RGS5: variants seen among roughly 807,000 people sequenced by gnomAD.
The protein encoded by RGS5 is regulator of G protein signaling 5.
RGS5 carries 20 observed loss-of-function variants against 18.9 expected under a neutral mutation model. The ratio of observed to expected loss-of-function variants is 1.06; its 90% CI spans 0.74 to 1.54. RGS5 has a LOEUF of 1.54. Among genes scored for constraint, RGS5 ranks in the 40% most tolerant of loss-of-function variants. The pLI is 0.00. For synonymous variants in RGS5, 57 were observed against 76.2 expected (o/e 0.75, Z 1.31); for missense variants, 201 against 211.8 (o/e 0.95, Z 0.32).
intron 2 of RGS5, among the ~76,000 whole-genome samples, chr1:163,241,074 G>A (rs1121884): frequency 0.026 from 3,926 of 152,246 alleles, 70 homozygotes; most frequent in Non-Finnish European, 0.039. Context: ...CTTCAGGTAA[G>A]AGACCCCTGA....
At position 163,202,825 on chromosome 1, in the gene RGS5, C is replaced by T. The variant is rs754269659; in HGVS notation, c.11G>A (p.Gly4Glu). 1 of 1,613,530 alleles carries T rather than the reference C, an allele frequency of 6.2e-7. No individual in the cohort carries two copies. Among genetic ancestry groups the T allele is most frequent in the Non-Finnish European group, 8.5e-7 (1 of 1,179,632 alleles). ...GCATGAGTGGGGCAAAGCTGCAAGT[C>T]CTTTGCACATTTTGGCAGGTGGCTT... MCK[G>E]LAALPHSCLE... The change falls in exon 1 of 5, where the codon GGA becomes GAA. Residue 4 changes from glycine (G) to glutamate (E), a missense_variant. Physicochemically the swap from Gly to Glu is moderately conservative, Grantham distance 98. Coordinates refer to ENST00000313961, the MANE Select transcript of RGS5 (RefSeq NM_003617.4).
chr1:163,164,156 C>A (rs1571224967), intron 2 of RGS5, among the ~76,000 whole-genome samples: 1 of 152,224 alleles, frequency 6.6e-6, no homozygotes, highest in Non-Finnish European at 1.5e-5. Context: ...TTTTGATTAC[C>A]AGCCTAGGAG....
chr1:163,154,961 A>ATATATG (rs1283149032), intron 3 of RGS5, among the ~76,000 whole-genome samples: 31 of 151,624 alleles, frequency 2.0e-4, no homozygotes, highest in South Asian at 4.2e-4. Flanking sequence ...ATGTATATGT[A>ATATATG]TATATGTATA....
At chr1:163,284,114 T>A (rs1346946152) in intron 2 of RGS5, among the ~76,000 whole-genome samples, 1 of 152,224 alleles carries the variant, frequency 6.6e-6, no homozygotes, top group Non-Finnish European at 1.5e-5. Flanking sequence ...GTATTTTGGA[T>A]CTTTTTCTTT....
intron 3 of RGS5, among the ~76,000 whole-genome samples, chr1:163,154,741 A>G (rs1033770481): frequency 5.3e-5 from 8 of 151,706 alleles, no homozygotes; most frequent in Admixed American, 3.9e-4. Context: ...CACGAGAGTT[A>G]GCATAAGTGC....
At chr1:163,264,849 T>C (rs1648537165) in intron 2 of RGS5, among the ~76,000 whole-genome samples, 1 of 152,210 alleles carries the variant, frequency 6.6e-6, no homozygotes, top group East Asian at 1.9e-4. Context: ...TGACTTCTTT[T>C]TCTAGCCAAT....
chr1:163,298,501 G>A (rs904959420), intron 2 of RGS5, among the ~76,000 whole-genome samples: 5 of 152,080 alleles, frequency 3.3e-5, no homozygotes, highest in South Asian at 4.1e-4. Context: ...GTGGTTTATC[G>A]GGGGTGGTGT....
chr1:163,290,221 G>T (rs1042004431), intron 2 of RGS5, among the ~76,000 whole-genome samples: 2 of 152,046 alleles, frequency 1.3e-5, no homozygotes, highest in Admixed American at 6.6e-5. Context: ...GACACACCTG[G>T]GAGCACTTCT....
intron 2 of RGS5, among the ~76,000 whole-genome samples, chr1:163,298,059 T>C (rs1649465533): frequency 6.6e-6 from 1 of 152,116 alleles, no homozygotes; most frequent in African/African-American, 2.4e-5. Context: ...GTAGGACTTT[T>C]CATTCTTTAA....
intron 1 of RGS5, among the ~76,000 whole-genome samples, chr1:163,196,929 G>A (rs142392102): frequency 7.6e-4 from 115 of 152,240 alleles, no homozygotes; most frequent in African/African-American, 2.6e-3. Context: ...TCTATTTGCT[G>A]TAACTTCATT....
intron 1 of RGS5, among the ~76,000 whole-genome samples, chr1:163,198,409 A>G (rs559418046): frequency 6.6e-6 from 1 of 152,194 alleles, no homozygotes; most frequent in Non-Finnish European, 1.5e-5. Context: ...AATACTAATA[A>G]CTGCACTGGT....
intron 2 of RGS5, chr1:163,300,265 G>T (rs1649519288): frequency 1.3e-5 from 2 of 152,346 alleles, no homozygotes. Flanking sequence ...TGGGACGGAA[G>T]AGTGTCCTCT....
chr1:163,143,318 T>C lies in RGS5; in HGVS notation c.*4024A>G, dbSNP rs1397119406. The stretch of plus-strand genomic sequence containing the variant: ...AAACCAAGATGCACCAAACTTCATG[T>C]CCAAAACCTACATAGAATTGCCTAC... On this transcript the variant is annotated 3_prime_UTR_variant, in exon 5 of 5. Transcript: ENST00000313961. 6.6e-6 allele frequency: 1 copy of C among 152,148 alleles called. No individual in the cohort carries two copies. 9.4% of individuals were successfully genotyped at this position (152,148 alleles called of 1,614,324 possible). A position where few individuals can be genotyped will look rare whatever the true frequency, so the allele number is the denominator to read the frequency against.
intron 1 of RGS5, among the ~76,000 whole-genome samples, chr1:163,307,867 G>C (rs1441002273): frequency 6.6e-6 from 1 of 152,114 alleles, no homozygotes; most frequent in Non-Finnish European, 1.5e-5. Context: ...ATATTTTATA[G>C]AAGAATAAAC....
intron 2 of RGS5, among the ~76,000 whole-genome samples, chr1:163,265,564 C>G (rs1222095996): frequency 6.6e-6 from 1 of 151,910 alleles, no homozygotes; most frequent in Admixed American, 6.6e-5. Flanking sequence ...ACTTTGCAAC[C>G]TTCTCTAACT....
chr1:163,273,390 A>G (rs1648772376), intron 2 of RGS5, among the ~76,000 whole-genome samples: 1 of 152,038 alleles, frequency 6.6e-6, no homozygotes, highest in South Asian at 2.1e-4. Flanking sequence ...TTTTTGCTTC[A>G]CATATTCTGG....
intron 2 of RGS5, among the ~76,000 whole-genome samples, chr1:163,272,248 A>G (rs1362051314): frequency 3.3e-5 from 5 of 151,732 alleles, no homozygotes; most frequent in South Asian, 2.1e-4. Flanking sequence ...CCTTTTGCCT[A>G]TGTTTTAGAT....
chr1:163,167,806 C>T (rs373766476), intron 2 of RGS5, among the ~76,000 whole-genome samples: 32 of 152,152 alleles, frequency 2.1e-4, no homozygotes, highest in Middle Eastern at 3.2e-3. Context: ...TCCTTAGTAT[C>T]TTTCTGAGGG....
At chr1:163,221,577 A>C (rs1647228474), upstream of RGS5, among the ~76,000 whole-genome samples, 1 of 152,224 alleles carries the variant, frequency 6.6e-6, no homozygotes, top group East Asian at 1.9e-4. Context: ...ATGTAGTCTT[A>C]ATGCAAGATT....
Sources: allele counts gnomAD v4.1 joint callset (sites outside exome capture counted in the v4.1 genomes callset), GRCh38; gene constraint gnomAD v4.1.1; transcripts MANE v1.5; gene names NCBI Gene and HGNC (gene_info 2026-07-23, HGNC 2026-07-21).